Variants in JAKMIP2 observed in about 807,000 individuals in gnomAD.
JAKMIP2 encodes the protein janus kinase and microtubule-interacting protein 2.
Under a neutral mutation model 115.0 loss-of-function variants are expected in JAKMIP2, and 25 were observed. That is an observed-to-expected ratio of 0.22 (90% CI 0.16 to 0.30). The LOEUF (loss-of-function observed/expected upper bound fraction) is 0.30, where lower values mean the gene tolerates loss of function less well. Among genes scored for constraint, JAKMIP2 ranks in the 10% least tolerant of loss-of-function variants. The pLI is 1.00. For synonymous variants in JAKMIP2, 334 were observed against 343.6 expected, an observed-to-expected ratio of 0.97 and a Z score of 0.31; for missense variants, 642 against 957.6, an observed-to-expected ratio of 0.67 and a Z score of 4.35.
chr5:147,627,679 A>T (rs1286836729), intron 16 of JAKMIP2, among the ~76,000 whole-genome samples: 1 of 2,644 alleles, frequency 3.8e-4, no homozygotes, highest in Non-Finnish European at 1.7e-3. Context: ...GCCTTTCTGT[A>T]AAAAAAAAAA....
intron 1 of JAKMIP2, among the ~76,000 whole-genome samples, chr5:147,762,192 A>T (rs1754951582): frequency 6.6e-6 from 1 of 152,116 alleles, no homozygotes; most frequent in Non-Finnish European, 1.5e-5. Context: ...TACAAACAGG[A>T]TCATTCTAGT....
At position 147,588,842 on chromosome 5, in the gene JAKMIP2, T is replaced by A. The variant is rs542455413; in HGVS notation, c.*2865A>T. 3 of 152,264 alleles carry A rather than the reference T, an allele frequency of 2.0e-5. No homozygotes were observed. The highest frequency in any genetic ancestry group is 4.4e-5 in the Non-Finnish European group (3 of 68,022). The allele number at this position is 152,264 out of a possible 1,614,324, so 9.4% of individuals were successfully genotyped here. ...ACTTTTTCAAAAATTTTCAATCATT[T>A]AGAAATAGTTACTCATGGAAATAAA... On this transcript the variant is annotated 3_prime_UTR_variant, in exon 22 of 22. Coordinates refer to ENST00000616793, the MANE Select transcript of JAKMIP2 (RefSeq NM_001270941.2).
intron 1 of JAKMIP2, among the ~76,000 whole-genome samples, chr5:147,728,409 T>C (rs1753600796): frequency 6.6e-6 from 1 of 152,178 alleles, no homozygotes; most frequent in Non-Finnish European, 1.5e-5. Context: ...CAAGATGTAA[T>C]ATAAAAATGG....
At chr5:147,607,839 CCTCTATTTCAGAACTTCTT>C (rs1409013081) in intron 20 of JAKMIP2, among the ~76,000 whole-genome samples, 1 of 152,172 alleles carries the variant, frequency 6.6e-6, no homozygotes, top group East Asian at 1.9e-4. Context: ...TTAATTACTG[CCTCTATTTCAGAACTTCTT>C]ATTGGTCTAT....
At chr5:147,612,861 CAT>C (rs1380896112) in intron 19 of JAKMIP2, among the ~76,000 whole-genome samples, 1 of 152,222 alleles carries the variant, frequency 6.6e-6, no homozygotes, top group Non-Finnish European at 1.5e-5. Context: ...GAGGCTGACT[CAT>C]ATAGATGTAA....
intron 1 of JAKMIP2, among the ~76,000 whole-genome samples, chr5:147,687,823 C>T (rs764142881): frequency 3.2e-4 from 49 of 152,244 alleles, no homozygotes; most frequent in Non-Finnish European, 6.0e-4. Flanking sequence ...TACCACTGTA[C>T]ATGTATTAAC....
intron 21 of JAKMIP2, among the ~76,000 whole-genome samples, chr5:147,599,701 G>A (rs1316461721): frequency 1.3e-5 from 2 of 152,080 alleles, no homozygotes; most frequent in African/African-American, 4.8e-5. Flanking sequence ...ACATATGAAC[G>A]CCAATGTTGC....
In JAKMIP2 at chr5:147,639,657, A is replaced by C. The variant is rs1250748854; in HGVS notation, c.1505T>G (p.Ile502Ser). Residue 502 changes from isoleucine (I) to serine (S), a missense_variant, in exon 10 of 22, where the codon ATC becomes AGC. By Grantham distance (142) the Ile-to-Ser change is moderately radical. Around this residue, in one of 6 missense-constraint regions of JAKMIP2, gnomAD observed 103 missense variants for 177.6 expected, o/e 0.58. Transcript: ENST00000616793. The stretch of plus-strand genomic sequence containing the variant: ...CTTGGCTTCTCGTTCAGCGTCGATG[A>C]TGCCTCCCGTCTGCTCCTGTAGGAG... ...YALLQEQTGG[I>S]IDAEREAKAQ... The C allele has an allele frequency of 6.2e-7, 1 of 1,613,408 alleles. No individual in the cohort carries two copies. Among genetic ancestry groups the C allele is most frequent in the Non-Finnish European group, 8.5e-7 (1 of 1,179,714 alleles).
At chr5:147,718,298 C>T (rs1280663150) in intron 1 of JAKMIP2, among the ~76,000 whole-genome samples, 1 of 149,638 alleles carries the variant, frequency 6.7e-6, no homozygotes, top group Non-Finnish European at 1.5e-5. Context: ...GGATATTGGT[C>T]TAAAATTCTC....
intron 1 of JAKMIP2, among the ~76,000 whole-genome samples, chr5:147,737,016 C>T (rs550571903): frequency 3.9e-5 from 6 of 152,218 alleles, no homozygotes; most frequent in Non-Finnish European, 7.4e-5. Context: ...CAGCAATCTC[C>T]GTTCAAGAAC....
At chr5:147,611,275 C>A (rs1048825014) in intron 20 of JAKMIP2, among the ~76,000 whole-genome samples, 3 of 152,158 alleles carry the variant, frequency 2.0e-5, no homozygotes, top group Non-Finnish European at 4.4e-5. Flanking sequence ...GCCCAAACAG[C>A]CTCCTAGTTT....
At chr5:147,651,118 T>A (rs1166081794) in intron 3 of JAKMIP2, among the ~76,000 whole-genome samples, 1 of 152,192 alleles carries the variant, frequency 6.6e-6, no homozygotes, top group Non-Finnish European at 1.5e-5. Context: ...GTTATATCTC[T>A]TTCTGTTCTC....
At chr5:147,682,561 A>G (rs375364781) in intron 1 of JAKMIP2, among the ~76,000 whole-genome samples, 1 of 152,144 alleles carries the variant, frequency 6.6e-6, no homozygotes, top group South Asian at 2.1e-4. Context: ...TAAGAGTAAA[A>G]CTGTGTGTTA....
intron 1 of JAKMIP2, among the ~76,000 whole-genome samples, chr5:147,778,379 A>G (rs1755641955): frequency 6.6e-6 from 1 of 152,082 alleles, no homozygotes; most frequent in East Asian, 1.9e-4. Context: ...ATGGCCAAAG[A>G]ACAAATTTTG....
intron 1 of JAKMIP2, among the ~76,000 whole-genome samples, chr5:147,748,597 G>A (rs907432461): frequency 3.3e-5 from 5 of 152,144 alleles, no homozygotes; most frequent in African/African-American, 1.2e-4. Flanking sequence ...AGGGCTACCC[G>A]AGGGCCAGGT....
At chr5:147,623,544 C>G in intron 17 of JAKMIP2, 77 bp downstream of exon 17, 6 of 874,884 alleles carry the variant, frequency 6.9e-6, no homozygotes, top group Non-Finnish European at 1.9e-6. Flanking sequence ...CCAGATAAAA[C>G]TGGTAGAGGC....
chr5:147,609,168 C>T (rs2126616027), intron 20 of JAKMIP2, among the ~76,000 whole-genome samples: 1 of 152,216 alleles, frequency 6.6e-6, no homozygotes, highest in South Asian at 2.1e-4. Flanking sequence ...GCATTTAGCC[C>T]ATTTACATTT....
chr5:147,669,770 CA>C (rs1017719119), intron 2 of JAKMIP2, among the ~76,000 whole-genome samples: 1 of 152,170 alleles, frequency 6.6e-6, no homozygotes, highest in African/African-American at 2.4e-5. Flanking sequence ...GAGTGTTTGT[CA>C]ACACGAAGGC....
intron 14 of JAKMIP2, among the ~76,000 whole-genome samples, chr5:147,630,950 A>G (rs1465549838): frequency 6.6e-6 from 1 of 152,198 alleles, no homozygotes; most frequent in Non-Finnish European, 1.5e-5. Flanking sequence ...TCCTCCCTAA[A>G]TTAAACACAT....
Sources: gnomAD v4.1 joint callset for allele counts (sites outside exome capture counted in the v4.1 genomes callset) on GRCh38, gnomAD v4.1.1 for gene constraint, gnomAD v4.1.1 regional missense constraint, MANE v1.5 for transcripts, NCBI Gene and HGNC (gene_info 2026-07-23, HGNC 2026-07-21) for gene names.